The following TLE1 variants were observed in gnomAD, a reference collection of about 807,000 sequenced individuals.
The protein encoded by TLE1 is transducin-like enhancer protein 1.
TLE1 carries 21 observed loss-of-function variants against 89.8 expected under a neutral mutation model. The ratio of observed to expected loss-of-function variants is 0.23; its 90% CI spans 0.17 to 0.34. The LOEUF is 0.34. TLE1 is among the 10% of genes least tolerant of loss of function. TLE1 has a pLI of 1.00. For synonymous variants in TLE1, 447 were observed against 407.6 expected, an observed-to-expected ratio of 1.10 and a Z score of -1.16; for missense variants, 795 against 1,031.2, an observed-to-expected ratio of 0.77 and a Z score of 3.14.
At chr9:81,607,860 G>A (rs558192293) in intron 14 of TLE1, among the ~76,000 whole-genome samples, 1 of 152,246 alleles carries the variant, frequency 6.6e-6, no homozygotes, top group South Asian at 2.1e-4. Context: ...CCCTTCATTG[G>A]GCACAGAGGT....
chr9:81,585,342 C>T (rs1178618856), intron 18 of TLE1, among the ~76,000 whole-genome samples, 163 bp downstream of exon 18: 1 of 152,198 alleles, frequency 6.6e-6, no homozygotes, highest in Non-Finnish European at 1.5e-5. Context: ...CAGACTGAAA[C>T]AGACATTGCT....
chr9:81,672,393 G>A (rs1351513239), intron 4 of TLE1, among the ~76,000 whole-genome samples: 2 of 151,108 alleles, frequency 1.3e-5, no homozygotes, highest in Non-Finnish European at 2.9e-5. Flanking sequence ...GAGTGTGATG[G>A]TGCGATCTTG....
chr9:81,596,174 TC>T (rs1384886290), intron 14 of TLE1, among the ~76,000 whole-genome samples: 1 of 152,160 alleles, frequency 6.6e-6, no homozygotes, highest in Non-Finnish European at 1.5e-5. Flanking sequence ...CCCACTTCTC[TC>T]CCAGGTGTCC....
At chr9:81,685,801 A>G (rs770656244) in intron 3 of TLE1, 32 bp downstream of exon 3, 64 of 1,613,340 alleles carry the variant, frequency 4.0e-5, no homozygotes, top group Non-Finnish European at 5.2e-5. Context: ...ATATCATATG[A>G]AAAAGGAAAA....
intron 12 of TLE1, among the ~76,000 whole-genome samples, 172 bp downstream of exon 12, chr9:81,613,205 A>G (rs1854865062): frequency 6.6e-6 from 1 of 152,260 alleles, no homozygotes; most frequent in Admixed American, 6.5e-5. Context: ...CAGCTGCTGA[A>G]ACCCCAGGAC....
intron 8 of TLE1, among the ~76,000 whole-genome samples, chr9:81,622,027 C>T (rs7856380): frequency 0.12 from 18,748 of 152,076 alleles, 1,746 homozygotes; most frequent in African/African-American, 0.25. Flanking sequence ...GCTGGATCCC[C>T]GAACTAATTA....
At chr9:81,625,959 T>C (rs913594236) in intron 8 of TLE1, among the ~76,000 whole-genome samples, 1 of 139,926 alleles carries the variant, frequency 7.1e-6, no homozygotes, top group Non-Finnish European at 1.5e-5. Context: ...TGCTGCCCTG[T>C]CAATGCTATC....
intron 8 of TLE1, among the ~76,000 whole-genome samples, chr9:81,627,833 T>C (rs1485338482): frequency 6.6e-6 from 1 of 152,152 alleles, no homozygotes; most frequent in Non-Finnish European, 1.5e-5. Context: ...AGTTTCACGG[T>C]GCTGACATGC....
At chr9:81,652,487 A>C (rs1188880300) in intron 5 of TLE1, among the ~76,000 whole-genome samples, 199 bp from the exon 6 acceptor site, 3 of 152,224 alleles carry the variant, frequency 2.0e-5, no homozygotes, top group African/African-American at 7.2e-5. Context: ...CTTTATTTCT[A>C]AACAACACCA....
intron 14 of TLE1, among the ~76,000 whole-genome samples, chr9:81,609,853 C>G (rs530763822): frequency 1.3e-5 from 2 of 152,306 alleles, no homozygotes; most frequent in South Asian, 4.1e-4. Context: ...AGCTGACTGC[C>G]CACAGCACAG....
chr9:81,652,593 C>G (rs1226333947), intron 5 of TLE1, among the ~76,000 whole-genome samples: 2 of 151,940 alleles, frequency 1.3e-5, no homozygotes, highest in Non-Finnish European at 2.9e-5. Flanking sequence ...ATAAATAGAA[C>G]AGAATTTGGA....
chr9:81,668,318 G>A (rs907230172), intron 4 of TLE1, among the ~76,000 whole-genome samples: 5 of 152,084 alleles, frequency 3.3e-5, no homozygotes, highest in East Asian at 3.8e-4. Flanking sequence ...TTTTAGTCAC[G>A]ATTAAAATGA....
intron 14 of TLE1, among the ~76,000 whole-genome samples, chr9:81,607,574 C>T (rs1831858001): frequency 6.6e-6 from 1 of 152,204 alleles, no homozygotes; most frequent in South Asian, 2.1e-4. Flanking sequence ...TGTTATTCCA[C>T]CAAAGGTTCA....
chr9:81,619,284 G>A (rs1824940360), intron 9 of TLE1, among the ~76,000 whole-genome samples: 1 of 152,180 alleles, frequency 6.6e-6, no homozygotes, highest in South Asian at 2.1e-4. Flanking sequence ...TGTTATTAAA[G>A]CATAGTGCAA....
At chr9:81,605,896 A>G (rs950512101) in intron 14 of TLE1, among the ~76,000 whole-genome samples, 1 of 152,176 alleles carries the variant, frequency 6.6e-6, no homozygotes, top group African/African-American at 2.4e-5. Flanking sequence ...GCTAATATCC[A>G]GAATCTACAA....
chr9:81,603,427 G>T (rs144336963), intron 14 of TLE1, among the ~76,000 whole-genome samples: 1 of 152,082 alleles, frequency 6.6e-6, no homozygotes, highest in South Asian at 2.1e-4. Context: ...ATCCAGGAAA[G>T]ACTTTCTGAC....
At chr9:81,610,133 C>A (rs1823509541) in intron 14 of TLE1, 87 bp downstream of exon 14, 2 of 1,206,716 alleles carry the variant, frequency 1.7e-6, no homozygotes, top group East Asian at 4.8e-5. Flanking sequence ...ACGCCCAAGC[C>A]TGTACTCCCT....
chr9:81,687,837 G>A lies in TLE1; in HGVS notation c.24+380C>T, dbSNP rs1406811999. Among the ~76,000 whole-genome samples the A allele has an allele frequency of 5.3e-5, 8 of 152,000 alleles. 1 individual carries two copies. On this transcript the variant is annotated intron_variant, in intron 1 of 19. Transcript: ENST00000376499. ...TACGCTCCCCATTCCCAGAGTCGCC[G>A]GGGCCACCTCCAGACGCACCGGAAC... is the stretch of plus-strand genomic sequence containing the variant.
intron 4 of TLE1, among the ~76,000 whole-genome samples, chr9:81,684,650 G>A (rs1490937979): frequency 2.0e-5 from 3 of 152,232 alleles, no homozygotes; most frequent in East Asian, 1.9e-4. Context: ...ATGAAACAAG[G>A]GTTTGAGATG....
Sources: gnomAD v4.1 joint callset for allele counts (sites outside exome capture counted in the v4.1 genomes callset) on GRCh38, gnomAD v4.1.1 for gene constraint, MANE v1.5 for transcripts, NCBI Gene and HGNC (gene_info 2026-07-23, HGNC 2026-07-21) for gene names.